EPHA5: variants seen among roughly 807,000 people sequenced by gnomAD.
The protein encoded by EPHA5 is EPH receptor A5.
A neutral mutation model predicts 105.0 loss-of-function variants in EPHA5; 60 were observed. The observed-to-expected ratio is 0.57, with a 90% CI of 0.46 to 0.71. The LOEUF (loss-of-function observed/expected upper bound fraction) is 0.71, where lower values mean the gene tolerates loss of function less well. Among genes scored for constraint, EPHA5 ranks in the 30% least tolerant of loss-of-function variants. EPHA5 has a pLI of 0.00. For missense variants in EPHA5, 1,218 were observed against 1,274.7 expected, an observed-to-expected ratio of 0.96 and a Z score of 0.68; for synonymous variants, 513 against 449.1, an observed-to-expected ratio of 1.14 and a Z score of -1.80.
intron 3 of EPHA5, among the ~76,000 whole-genome samples, chr4:65,557,350 C>A (rs1738561115): frequency 6.7e-6 from 1 of 149,088 alleles, no homozygotes; most frequent in African/African-American, 2.5e-5. Context: ...TAATCTGTAA[C>A]TAATGTATTG....
chr4:65,491,019 A>T (rs1027469549), intron 4 of EPHA5, among the ~76,000 whole-genome samples: 8 of 152,118 alleles, frequency 5.3e-5, no homozygotes, highest in African/African-American at 1.9e-4. Context: ...AATTAAAATT[A>T]TATATTTATA....
At chr4:65,339,881 A>C (rs1721543906) in intron 14 of EPHA5, among the ~76,000 whole-genome samples, 1 of 152,174 alleles carries the variant, frequency 6.6e-6, no homozygotes, top group Admixed American at 6.5e-5. Context: ...AGACATGGGG[A>C]GAACCCGCAT....
intron 3 of EPHA5, among the ~76,000 whole-genome samples, chr4:65,506,171 A>T (rs893558696): frequency 5.9e-5 from 9 of 152,114 alleles, no homozygotes; most frequent in Non-Finnish European, 1.0e-4. Flanking sequence ...CCTACAAAGG[A>T]CATGAACTCA....
intron 7 of EPHA5, 51 bp from the exon 8 acceptor site, chr4:65,404,530 T>C (rs968600299): frequency 2.0e-6 from 3 of 1,533,282 alleles, no homozygotes; most frequent in African/African-American, 2.7e-5. Context: ...ATCACATGCA[T>C]TCAAAATAAA....
chr4:65,350,979 T>A (rs1038068170), intron 13 of EPHA5, among the ~76,000 whole-genome samples: 1 of 151,550 alleles, frequency 6.6e-6, no homozygotes, highest in Non-Finnish European at 1.5e-5. Flanking sequence ...CCAATAATAT[T>A]ATACATGTTT....
intron 5 of EPHA5, among the ~76,000 whole-genome samples, chr4:65,477,280 G>A (rs1370435957): frequency 2.0e-5 from 3 of 152,158 alleles, no homozygotes; most frequent in Non-Finnish European, 4.4e-5. Flanking sequence ...AGAGAAAATA[G>A]CATGTGCAAT....
At chr4:65,357,508 T>G (rs1476620686) in intron 11 of EPHA5, among the ~76,000 whole-genome samples, 8 of 151,512 alleles carry the variant, frequency 5.3e-5, no homozygotes, top group Non-Finnish European at 1.2e-4. Flanking sequence ...GTTCAGGAAT[T>G]TACCTTTTCT....
intron 13 of EPHA5, among the ~76,000 whole-genome samples, chr4:65,349,372 A>T (rs1313798266): frequency 1.3e-5 from 2 of 152,114 alleles, no homozygotes; most frequent in Non-Finnish European, 2.9e-5. Context: ...TCATACAATA[A>T]ACACTTTTAT....
At chr4:65,621,751 A>G (rs898237462) in intron 2 of EPHA5, among the ~76,000 whole-genome samples, 28 of 152,216 alleles carry the variant, frequency 1.8e-4, no homozygotes, top group Middle Eastern at 3.4e-3. Context: ...GGGTTCTAGC[A>G]AGTGCTGTTT....
At chr4:65,600,047 A>C (rs1251725356) in intron 3 of EPHA5, among the ~76,000 whole-genome samples, 1 of 152,212 alleles carries the variant, frequency 6.6e-6, no homozygotes, top group Non-Finnish European at 1.5e-5. Context: ...CAAACAACCA[A>C]ATAGAGTACG....
intron 5 of EPHA5, among the ~76,000 whole-genome samples, chr4:65,426,695 A>G (rs955575095): frequency 1.3e-5 from 2 of 152,180 alleles, no homozygotes; most frequent in African/African-American, 4.8e-5. Context: ...ATAGTTTTTA[A>G]GTCGAATCAA....
chr4:65,359,607 C>T (rs1577911331), intron 11 of EPHA5, among the ~76,000 whole-genome samples: 2 of 151,634 alleles, frequency 1.3e-5, no homozygotes, highest in African/African-American at 4.8e-5. Context: ...TGACTCCTCA[C>T]TTTTTCTCAT....
intron 2 of EPHA5, among the ~76,000 whole-genome samples, chr4:65,611,309 G>T (rs564853571): frequency 2.6e-5 from 4 of 151,934 alleles, no homozygotes; most frequent in South Asian, 2.1e-4. Flanking sequence ...TAACATAATT[G>T]GTACTCTTTA....
At chr4:65,631,788 G>A (rs933419662) in intron 2 of EPHA5, among the ~76,000 whole-genome samples, 1 of 151,642 alleles carries the variant, frequency 6.6e-6, no homozygotes, top group South Asian at 2.1e-4. Flanking sequence ...ATGGATAAAG[G>A]TCATTTTCCA....
chr4:65,523,772 TAA>T (rs1183103677), intron 3 of EPHA5, among the ~76,000 whole-genome samples: 1 of 151,880 alleles, frequency 6.6e-6, no homozygotes, highest in Non-Finnish European at 1.5e-5. Flanking sequence ...ATCTCCTGAG[TAA>T]AAGACTACTG....
intron 14 of EPHA5, among the ~76,000 whole-genome samples, chr4:65,347,150 T>C (rs922618340): frequency 1.3e-5 from 2 of 150,894 alleles, no homozygotes; most frequent in African/African-American, 2.4e-5. Flanking sequence ...AGGGAGGTTT[T>C]ATGGAGCATG....
chr4:65,663,244 A>G (rs900785509), intron 1 of EPHA5, among the ~76,000 whole-genome samples: 1 of 152,174 alleles, frequency 6.6e-6, no homozygotes, highest in African/African-American at 2.4e-5. Flanking sequence ...ATTTTTAAAT[A>G]TAGAAATGAC....
chr4:65,505,016 G>C (rs1435818942), intron 3 of EPHA5, among the ~76,000 whole-genome samples: 3 of 151,936 alleles, frequency 2.0e-5, no homozygotes, highest in African/African-American at 7.3e-5. Flanking sequence ...CAATAATAGT[G>C]TGTATAAGGG....
At chr4:65,633,470 C>A (rs1746832586) in intron 2 of EPHA5, among the ~76,000 whole-genome samples, 1 of 151,762 alleles carries the variant, frequency 6.6e-6, no homozygotes, top group East Asian at 1.9e-4. Flanking sequence ...TTAACATTTT[C>A]ATTAATAAAT....
Sources: allele counts gnomAD v4.1 joint callset (sites outside exome capture counted in the v4.1 genomes callset), GRCh38; gene constraint gnomAD v4.1.1; transcripts MANE v1.5; gene names NCBI Gene and HGNC (gene_info 2026-07-23, HGNC 2026-07-21).